The following TRMT11 variants were observed in gnomAD, a reference collection of about 807,000 sequenced individuals.
TRMT11 encodes the protein tRNA (guanine(10)-N(2))-methyltransferase TRMT11.
In TRMT11, 53 loss-of-function variants were observed where a neutral mutation model predicts 62.8. The observed-to-expected ratio is 0.84, with a 90% CI of 0.68 to 1.06. TRMT11 has a LOEUF of 1.06. Among genes scored for constraint, TRMT11 ranks in the 50% least tolerant of loss-of-function variants. The pLI, the probability that TRMT11 is intolerant of heterozygous loss-of-function variation, is 0.00. For missense variants in TRMT11, 556 were observed against 553.4 expected, an observed-to-expected ratio of 1.00 and a Z score of -0.05; for synonymous variants, 188 against 190.3, an observed-to-expected ratio of 0.99 and a Z score of 0.10.
chr6:126,145,384 T>C (rs534136243), intron 21 of TRMT11, among the ~76,000 whole-genome samples: 1 of 151,990 alleles, frequency 6.6e-6, no homozygotes, highest in East Asian at 1.9e-4. Context: ...AGGAGCCAAA[T>C]TGGAAAAGAA....
the TRMT11 span, among the ~76,000 whole-genome samples, chr6:126,241,506 GA>G: frequency 6.6e-6 from 1 of 152,098 alleles, no homozygotes; most frequent in Non-Finnish European, 1.5e-5. Flanking sequence ...GAGAATTTTA[GA>G]CCAATATCCA....
chr6:126,164,751 T>C (rs1452354373), intron 21 of TRMT11, among the ~76,000 whole-genome samples: 2 of 152,190 alleles, frequency 1.3e-5, no homozygotes, highest in Non-Finnish European at 2.9e-5. Flanking sequence ...TATTTTTCTT[T>C]TAATCTTTGT....
chr6:126,176,136 T>A (rs1246412724), upstream of TRMT11, among the ~76,000 whole-genome samples: 1 of 152,076 alleles, frequency 6.6e-6, no homozygotes, highest in Admixed American at 6.6e-5. Flanking sequence ...AAAAAGAAAT[T>A]GGTACAAGAC....
intron 17 of TRMT11, among the ~76,000 whole-genome samples, chr6:126,097,715 G>T (rs1204308968): frequency 6.6e-6 from 1 of 150,580 alleles, no homozygotes; most frequent in African/African-American, 2.4e-5. Context: ...TACTTATTTT[G>T]CCTATAAAGA....
the TRMT11 span, among the ~76,000 whole-genome samples, chr6:126,237,062 A>G: frequency 7.1e-6 from 1 of 141,800 alleles, no homozygotes; most frequent in Non-Finnish European, 1.5e-5. Context: ...GACCTCCTAG[A>G]GATAGAGAGA....
At chr6:126,193,148 G>A (rs1778623230) in intron 1 of TRMT11, among the ~76,000 whole-genome samples, 1 of 151,860 alleles carries the variant, frequency 6.6e-6, no homozygotes, top group Non-Finnish European at 1.5e-5. Context: ...TTTTCTTCCT[G>A]GTTTAATCCT....
downstream of TRMT11, among the ~76,000 whole-genome samples, chr6:126,041,193 A>C (rs1583834947): frequency 6.6e-6 from 1 of 152,162 alleles, no homozygotes; most frequent in East Asian, 1.9e-4. Context: ...AAAAAACAAC[A>C]ACAACAACCT....
intron 6 of TRMT11, 136 bp downstream of exon 6, chr6:125,998,820 G>T: frequency 1.3e-6 from 1 of 788,206 alleles, no homozygotes; most frequent in Non-Finnish European, 1.9e-6. Context: ...TTGGTGAAGA[G>T]TATGTGATTA....
chr6:125,986,585 T>C lies in TRMT11; in HGVS notation c.35T>C (p.Leu12Pro), dbSNP rs767154396. The C allele has an allele frequency of 6.9e-6, 11 of 1,589,764 alleles. No homozygotes were observed. Among genetic ancestry groups the C allele is most frequent in the South Asian group, 2.3e-5 (2 of 87,188 alleles). ...ALSCTLNRYL[L>P]LMAQEHLEFR... ...TCGTGTACCCTTAACAGGTATCTGC[T>C]CCTCATGGCGCAGGAGCATCTGGAG... The change falls in exon 1 of 13, where the codon CTC (leucine) becomes CCC (proline). Residue 12 changes from leucine (L) to proline (P), a missense_variant. Coordinates refer to ENST00000334379, the MANE Select transcript of TRMT11 (RefSeq NM_001031712.3).
At chr6:126,131,263 T>C (rs1033438255) in intron 21 of TRMT11, among the ~76,000 whole-genome samples, 12 of 152,172 alleles carry the variant, frequency 7.9e-5, no homozygotes, top group South Asian at 6.2e-4. Context: ...ATTTTGACCA[T>C]GTCACAGTCT....
At chr6:126,263,486 C>T in the TRMT11 span, among the ~76,000 whole-genome samples, 1 of 152,120 alleles carries the variant, frequency 6.6e-6, no homozygotes, top group Non-Finnish European at 1.5e-5. Context: ...TGCAAAATGA[C>T]AAATGTGTAA....
chr6:125,991,089 A>G (rs1790542948), intron 1 of TRMT11, among the ~76,000 whole-genome samples: 1 of 151,890 alleles, frequency 6.6e-6, no homozygotes, highest in Non-Finnish European at 1.5e-5. Flanking sequence ...TACTAAAAAT[A>G]CAAAAAATTA....
At chr6:126,147,556 C>T (rs1304395238) in intron 21 of TRMT11, among the ~76,000 whole-genome samples, 3 of 152,092 alleles carry the variant, frequency 2.0e-5, no homozygotes, top group Admixed American at 6.6e-5. Context: ...GATGGCTGTT[C>T]GTCCATGTAT....
chr6:126,151,865 TC>T (rs1778054543), intron 21 of TRMT11, among the ~76,000 whole-genome samples: 9 of 124,238 alleles, frequency 7.2e-5, no homozygotes, highest in African/African-American at 2.7e-4. Flanking sequence ...TTTCTTTCTT[TC>T]CTTCTTTCTC....
chr6:126,172,953 G>A (rs1368541323), upstream of TRMT11, among the ~76,000 whole-genome samples: 1 of 152,180 alleles, frequency 6.6e-6, no homozygotes, highest in East Asian at 1.9e-4. Flanking sequence ...GCTGGCAGGA[G>A]GTGAACCGGG....
the TRMT11 span, among the ~76,000 whole-genome samples, chr6:126,256,401 A>G: frequency 1.3e-5 from 2 of 152,194 alleles, no homozygotes; most frequent in African/African-American, 4.8e-5. Flanking sequence ...AATACATTTC[A>G]TCCTCTCCCA....
chr6:126,027,512 T>C (rs1220886812), intron 12 of TRMT11, among the ~76,000 whole-genome samples: 1 of 152,220 alleles, frequency 6.6e-6, no homozygotes, highest in Non-Finnish European at 1.5e-5. Context: ...TATTTTGTGG[T>C]TTATTTACTT....
intron 16 of TRMT11, among the ~76,000 whole-genome samples, chr6:126,050,768 C>G (rs909229773): frequency 6.6e-6 from 1 of 151,750 alleles, no homozygotes; most frequent in Non-Finnish European, 1.5e-5. Context: ...GGTAAATAAA[C>G]AGTCCATGTG....
At chr6:126,187,186 A>T (rs1404923122) in intron 1 of TRMT11, among the ~76,000 whole-genome samples, 1 of 151,970 alleles carries the variant, frequency 6.6e-6, no homozygotes, top group Non-Finnish European at 1.5e-5. Flanking sequence ...TTATTTGTAG[A>T]TGATATGATC....
Sources: gnomAD v4.1 joint callset for allele counts (sites outside exome capture counted in the v4.1 genomes callset) on GRCh38, gnomAD v4.1.1 for gene constraint, MANE v1.5 for transcripts, NCBI Gene and HGNC (gene_info 2026-07-23, HGNC 2026-07-21) for gene names.